ADGRL3: variants seen among roughly 807,000 people sequenced by gnomAD.
ADGRL3 encodes the protein calcium-independent alpha-latrotoxin receptor 3.
ADGRL3 carries 62 observed loss-of-function variants against 153.5 expected under a neutral mutation model. The observed-to-expected ratio is 0.40, with a 90% confidence interval of 0.33 to 0.50. The LOEUF is 0.50. ADGRL3 is among the 20% of genes least tolerant of loss of function. The pLI is 0.47. For missense variants in ADGRL3, 1,641 were observed against 1,859.4 expected (o/e 0.88, Z 2.16); for synonymous variants, 710 against 672.5 (o/e 1.06, Z -0.86).
chr4:61,837,927 C>T (rs952815328), intron 9 of ADGRL3, among the ~76,000 whole-genome samples: 32 of 151,966 alleles, frequency 2.1e-4, no homozygotes, highest in African/African-American at 7.7e-4. Flanking sequence ...AGTGAGAATT[C>T]CATGGAAGGT....
intron 1 of ADGRL3, among the ~76,000 whole-genome samples, chr4:61,222,447 A>T (rs1017871935): frequency 1.6e-4 from 24 of 152,056 alleles, no homozygotes; most frequent in Admixed American, 6.6e-4. Context: ...TGTATCTCTC[A>T]TTCTCTTTGG....
intron 2 of ADGRL3, among the ~76,000 whole-genome samples, chr4:61,392,577 T>G (rs1231165981): frequency 6.7e-6 from 1 of 148,970 alleles, no homozygotes; most frequent in African/African-American, 2.5e-5. Flanking sequence ...TCCCAGCTAC[T>G]TCGTAGGCTG....
Position 62,070,863 on chromosome 4 carries a change from C to A in ADGRL3, c.4587C>A (p.Pro1529=). 1 of 1,551,344 alleles carries A rather than the reference C, an allele frequency of 6.4e-7. No homozygotes were observed. The change falls in exon 27 of 27, where the codon CCC becomes CCA. Residue 1529 remains proline (P), a synonymous_variant. Coordinates refer to ENST00000683033, the MANE Select transcript of ADGRL3 (RefSeq NM_001387552.1). Reference sequence around the variant, plus strand: ...CTCCAAACAAAGATGGGACCCCTCCCGAGGGAAGTTCAAAAGGACCGGCTC... The same window carrying A: ...CTCCAAACAAAGATGGGACCCCTCCAGAGGGAAGTTCAAAAGGACCGGCTC... The part of the protein sequence containing the change: ...IVPPNKDGTP[P]EGSSKGPAHL...
chr4:61,713,588 T>G (rs2096046916), intron 6 of ADGRL3, among the ~76,000 whole-genome samples: 1 of 151,948 alleles, frequency 6.6e-6, no homozygotes, highest in Non-Finnish European at 1.5e-5. Context: ...TTCCAAGCAT[T>G]CTCTGTCTCT....
At chr4:61,639,191 G>A (rs2093558777) in intron 5 of ADGRL3, among the ~76,000 whole-genome samples, 1 of 152,076 alleles carries the variant, frequency 6.6e-6, no homozygotes, top group Non-Finnish European at 1.5e-5. Flanking sequence ...CCATTTTTAA[G>A]CCATATTTGT....
intron 5 of ADGRL3, among the ~76,000 whole-genome samples, chr4:61,645,517 A>G (rs1022974909): frequency 1.3e-5 from 2 of 151,644 alleles, no homozygotes; most frequent in African/African-American, 4.9e-5. Flanking sequence ...CTTATCTGTA[A>G]AGTATTTTAT....
intron 9 of ADGRL3, among the ~76,000 whole-genome samples, chr4:61,820,063 A>G (rs2097733644): frequency 6.6e-6 from 1 of 152,060 alleles, no homozygotes; most frequent in Non-Finnish European, 1.5e-5. Context: ...TGTTATTGTT[A>G]CATTTGTTTA....
chr4:62,064,602 G>A (rs1400911133), intron 25 of ADGRL3, among the ~76,000 whole-genome samples: 1 of 151,278 alleles, frequency 6.6e-6, no homozygotes, highest in Non-Finnish European at 1.5e-5. Context: ...GAATGTGATT[G>A]GCAGTATTTA....
chr4:61,949,535 A>G (rs2098939015), intron 17 of ADGRL3, among the ~76,000 whole-genome samples: 1 of 151,944 alleles, frequency 6.6e-6, no homozygotes, highest in African/African-American at 2.4e-5. Context: ...CCTCTCTACT[A>G]AAAATACAAA....
chr4:61,618,827 C>T (rs1253650982), intron 5 of ADGRL3, among the ~76,000 whole-genome samples: 5 of 152,126 alleles, frequency 3.3e-5, no homozygotes, highest in Admixed American at 1.3e-4. Context: ...AGTGACACTC[C>T]CTCCTCAGCC....
At chr4:61,313,294 A>G (rs1429686596) in intron 1 of ADGRL3, among the ~76,000 whole-genome samples, 1 of 152,186 alleles carries the variant, frequency 6.6e-6, no homozygotes, top group African/African-American at 2.4e-5. Flanking sequence ...AGAGTACTCT[A>G]TATGGCACTG....
At chr4:61,709,055 C>T (rs578098160) in intron 6 of ADGRL3, among the ~76,000 whole-genome samples, 6 of 152,100 alleles carry the variant, frequency 3.9e-5, no homozygotes, top group East Asian at 3.9e-4. Flanking sequence ...GTGATCTGCC[C>T]GTCTCAGCCT....
intron 6 of ADGRL3, among the ~76,000 whole-genome samples, chr4:61,722,002 A>C (rs1325869385): frequency 6.6e-6 from 1 of 152,196 alleles, no homozygotes; most frequent in East Asian, 1.9e-4. Flanking sequence ...GGAAGATTAT[A>C]GTAATGAATC....
At chr4:61,496,590 C>T (rs920093369) in intron 2 of ADGRL3, among the ~76,000 whole-genome samples, 4 of 151,030 alleles carry the variant, frequency 2.6e-5, no homozygotes, top group African/African-American at 7.3e-5. Context: ...TGCAGTGAGC[C>T]GAGATCGTGC....
rs116462882 is a variant in ADGRL3 at position 61,432,511 on chromosome 4, A to G, written c.-174+49322A>G. ...TAGGTATGAAGTTGCTAATTTCTTAAAGCTCAGGTTTAGTATAAGCTACAA... is the reference window on the plus strand; with the variant it reads ...TAGGTATGAAGTTGCTAATTTCTTAGAGCTCAGGTTTAGTATAAGCTACAA... On this transcript the variant is annotated intron_variant, in intron 2 of 26. Transcript: ENST00000683033. Among the ~76,000 whole-genome samples the G allele has an allele frequency of 3.4e-3, 513 of 151,614 alleles. 6 individuals are homozygous for G. Among genetic ancestry groups the G allele is most frequent in the African/African-American group, 0.012 (480 of 41,056 alleles).
chr4:61,465,720 G>A (rs1047645928), intron 2 of ADGRL3, among the ~76,000 whole-genome samples: 14 of 140,234 alleles, frequency 1.0e-4, no homozygotes, highest in African/African-American at 3.6e-4. Context: ...GTTTATCTTG[G>A]ATACTTGGAC....
chr4:61,380,452 C>A (rs1001383221), intron 1 of ADGRL3, among the ~76,000 whole-genome samples: 5 of 151,848 alleles, frequency 3.3e-5, no homozygotes, highest in African/African-American at 1.2e-4. Context: ...TCATGTATTC[C>A]AGTTTTTTTG....
intron 9 of ADGRL3, among the ~76,000 whole-genome samples, chr4:61,870,715 G>A (rs1295838017): frequency 6.6e-6 from 1 of 152,120 alleles, no homozygotes; most frequent in Non-Finnish European, 1.5e-5. Context: ...TTAGCCATCA[G>A]GAAAATACAA....
At chr4:61,654,048 G>A (rs2150435168) in intron 5 of ADGRL3, among the ~76,000 whole-genome samples, 1 of 152,186 alleles carries the variant, frequency 6.6e-6, no homozygotes, top group Admixed American at 6.5e-5. Flanking sequence ...AGATATTTTG[G>A]GCTAAAAAGA....
Sources: allele counts gnomAD v4.1 joint callset (sites outside exome capture counted in the v4.1 genomes callset), GRCh38; gene constraint gnomAD v4.1.1; transcripts MANE v1.5; gene names NCBI Gene and HGNC (gene_info 2026-07-23, HGNC 2026-07-21).